Variants in WWOX observed in about 807,000 individuals in gnomAD.
The protein encoded by WWOX is WW domain containing oxidoreductase.
Under a neutral mutation model 46.2 loss-of-function variants are expected in WWOX, and 69 were observed. The ratio of observed to expected loss-of-function variants is 1.49; its 90% CI spans 1.23 to 1.82. WWOX has a LOEUF of 1.82. WWOX is among the 40% of genes most tolerant of loss of function. The probability of loss-of-function intolerance (pLI) is 0.00; values close to 1 mark genes in which losing one functional copy is unlikely to be tolerated. For missense variants in WWOX, 919 were observed against 542.6 expected, an observed-to-expected ratio of 1.69 and a Z score of -6.89; for synonymous variants, 359 against 202.6, an observed-to-expected ratio of 1.77 and a Z score of -6.56.
chr16:78,599,257 T>C (rs920210911), intron 8 of WWOX, among the ~76,000 whole-genome samples: 1 of 152,218 alleles, frequency 6.6e-6, no homozygotes, highest in African/African-American at 2.4e-5. Flanking sequence ...AATTCTCAGC[T>C]GGTCTAGCTT....
At position 79,063,045 on chromosome 16, in the gene WWOX, G is replaced by A. The variant is rs549566108; in HGVS notation, c.1057-148563G>A. On this transcript the variant is annotated intron_variant, in intron 8 of 8. Transcript: ENST00000566780. ...GCTTGTTGAATGCAGCAAAGAAGAGGGAGGTTGATAAACCATTATACTGTT... is the reference window on the plus strand; with the variant it reads ...GCTTGTTGAATGCAGCAAAGAAGAGAGAGGTTGATAAACCATTATACTGTT... Among the ~76,000 whole-genome samples, 12 of 152,294 alleles carry A rather than the reference G, an allele frequency of 7.9e-5. 1 individual carries two copies. The highest frequency in any genetic ancestry group is 2.9e-4 in the African/African-American group (12 of 41,560).
At chr16:78,387,103 T>A (rs2082076271) in intron 6 of WWOX, among the ~76,000 whole-genome samples, 155 bp downstream of exon 6, 1 of 152,170 alleles carries the variant, frequency 6.6e-6, no homozygotes, top group Non-Finnish European at 1.5e-5. Context: ...TGAACCGTAT[T>A]TTCTTGACTC....
chr16:78,443,695 T>C (rs1195445896), intron 8 of WWOX, among the ~76,000 whole-genome samples: 3 of 152,224 alleles, frequency 2.0e-5, no homozygotes, highest in African/African-American at 7.2e-5. Context: ...GCAATTCCCC[T>C]AGTTTTATCT....
chr16:79,208,801 T>C (rs747104396), intron 8 of WWOX, among the ~76,000 whole-genome samples: 2 of 152,188 alleles, frequency 1.3e-5, no homozygotes, highest in Non-Finnish European at 1.5e-5. Flanking sequence ...CATCTGATCA[T>C]ATTAAGATGT....
At chr16:79,058,106 T>TAAAAAA (rs1213609475) in intron 8 of WWOX, among the ~76,000 whole-genome samples, 1 of 81,730 alleles carries the variant, frequency 1.2e-5, no homozygotes, top group Non-Finnish European at 2.4e-5. Context: ...ATATCTTACT[T>TAAAAAA]AAAAAAAAAA....
intron 8 of WWOX, among the ~76,000 whole-genome samples, chr16:78,595,577 A>T (rs1356824751): frequency 6.6e-6 from 1 of 152,184 alleles, no homozygotes; most frequent in Non-Finnish European, 1.5e-5. Flanking sequence ...GCTATCAGAG[A>T]TATACGGTGT....
chr16:78,324,341 G>C (rs2080560731), intron 5 of WWOX, among the ~76,000 whole-genome samples: 1 of 152,102 alleles, frequency 6.6e-6, no homozygotes, highest in East Asian at 1.9e-4. Context: ...CACACCATTG[G>C]TGGGGATGTA....
intron 5 of WWOX, among the ~76,000 whole-genome samples, chr16:78,291,033 G>A (rs528567705): frequency 2.6e-5 from 4 of 152,202 alleles, no homozygotes; most frequent in Non-Finnish European, 5.9e-5. Flanking sequence ...TACTTAGGCT[G>A]GTGTTAGGAT....
At chr16:78,700,313 AG>A (rs1379118106) in intron 8 of WWOX, among the ~76,000 whole-genome samples, 22 of 2,412 alleles carry the variant, frequency 9.1e-3, no homozygotes, top group African/African-American at 0.033. Flanking sequence ...CTTAGTAGAC[AG>A]AGAGAGAGAG....
At chr16:78,819,674 G>C (rs769010230) in intron 8 of WWOX, among the ~76,000 whole-genome samples, 2 of 152,176 alleles carry the variant, frequency 1.3e-5, no homozygotes, top group Non-Finnish European at 2.9e-5. Context: ...CCTTGCCCTT[G>C]AATTCTTTCC....
At chr16:78,117,456 T>C (rs914312273) in intron 4 of WWOX, among the ~76,000 whole-genome samples, 4 of 152,156 alleles carry the variant, frequency 2.6e-5, no homozygotes, top group African/African-American at 9.7e-5. Context: ...TGAAATAATA[T>C]CGTACTGCAA....
intron 8 of WWOX, among the ~76,000 whole-genome samples, chr16:78,984,849 C>T (rs1034943907): frequency 6.6e-6 from 1 of 152,042 alleles, no homozygotes; most frequent in African/African-American, 2.4e-5. Flanking sequence ...AGGAGAAAGA[C>T]GAGGAAGAAG....
At chr16:78,386,219 A>C (rs1337553715) in intron 5 of WWOX, among the ~76,000 whole-genome samples, 1 of 152,186 alleles carries the variant, frequency 6.6e-6, no homozygotes, top group African/African-American at 2.4e-5. Context: ...GCAAATGTCC[A>C]GCCCGTGGCA....
chr16:78,351,910 G>A (rs2081192280), intron 5 of WWOX, among the ~76,000 whole-genome samples: 3 of 152,194 alleles, frequency 2.0e-5, no homozygotes. Context: ...GCGCCCCTCA[G>A]CCTCCCAAAG....
intron 8 of WWOX, among the ~76,000 whole-genome samples, chr16:78,633,637 C>T (rs1333822216): frequency 4.6e-5 from 7 of 152,172 alleles, no homozygotes; most frequent in Non-Finnish European, 1.0e-4. Flanking sequence ...ATAAACATTG[C>T]TGCAAGGCCC....
chr16:78,314,011 C>T (rs2080303414), intron 5 of WWOX, among the ~76,000 whole-genome samples: 1 of 152,156 alleles, frequency 6.6e-6, no homozygotes, highest in African/African-American at 2.4e-5. Context: ...TAACAAGCTG[C>T]TTCATCTTTC....
intron 8 of WWOX, among the ~76,000 whole-genome samples, chr16:78,879,959 C>G (rs184395020): frequency 9.9e-5 from 15 of 152,014 alleles, no homozygotes; most frequent in African/African-American, 3.6e-4. Context: ...TAGTTTAAGC[C>G]TCACATTTTT....
intron 6 of WWOX, among the ~76,000 whole-genome samples, chr16:78,418,451 A>T (rs12051126): frequency 0.27 from 40,491 of 151,960 alleles, 10,949 homozygotes; most frequent in African/African-American, 0.69. Context: ...TCCATCTGAC[A>T]CTGTGAAGCC....
intron 8 of WWOX, among the ~76,000 whole-genome samples, chr16:78,568,056 A>T (rs140630572): frequency 6.6e-6 from 1 of 152,200 alleles, no homozygotes; most frequent in Admixed American, 6.5e-5. Flanking sequence ...ATTTACACAC[A>T]GTGCCTGCGA....
Sources: gnomAD v4.1 joint callset for allele counts (sites outside exome capture counted in the v4.1 genomes callset) on GRCh38, gnomAD v4.1.1 for gene constraint, MANE v1.5 for transcripts, NCBI Gene and HGNC (gene_info 2026-07-23, HGNC 2026-07-21) for gene names.